PITPNA: variants seen among roughly 807,000 people sequenced by gnomAD.
PITPNA encodes the protein phosphatidylinositol transfer protein alpha isoform.
Under a neutral mutation model 50.3 loss-of-function variants are expected in PITPNA, and 13 were observed. The ratio of observed to expected loss-of-function variants is 0.26; its 90% CI spans 0.17 to 0.41. The LOEUF is 0.41. Among genes scored for constraint, PITPNA ranks in the 10% least tolerant of loss-of-function variants. The probability of loss-of-function intolerance (pLI) is 1.00; values close to 1 mark genes in which losing one functional copy is unlikely to be tolerated. For synonymous variants in PITPNA, 120 were observed against 119.6 expected, an observed-to-expected ratio of 1.00 and a Z score of -0.02; for missense variants, 207 against 333.4, an observed-to-expected ratio of 0.62 and a Z score of 2.95.
intron 10 of PITPNA, among the ~76,000 whole-genome samples, chr17:1,524,256 G>T (rs955867265): frequency 6.7e-6 from 1 of 149,354 alleles, no homozygotes; most frequent in African/African-American, 2.5e-5. Flanking sequence ...ATGTTAGCCA[G>T]GATGGTCTCC....
chr17:1,540,065 C>G (rs1300503645), intron 6 of PITPNA, among the ~76,000 whole-genome samples: 1 of 152,240 alleles, frequency 6.6e-6, no homozygotes, highest in Non-Finnish European at 1.5e-5. Flanking sequence ...GGGTAAACGT[C>G]ACTTCTGCAG....
chr17:1,546,791 A>T (rs915416763), intron 4 of PITPNA, among the ~76,000 whole-genome samples: 31 of 152,338 alleles, frequency 2.0e-4, no homozygotes, highest in African/African-American at 7.5e-4. Flanking sequence ...GAATCACTCG[A>T]AAGAAATTTA....
At chr17:1,524,842 C>T (rs1003555934) in intron 10 of PITPNA, among the ~76,000 whole-genome samples, 1 of 148,800 alleles carries the variant, frequency 6.7e-6, no homozygotes, top group African/African-American at 2.5e-5. Flanking sequence ...GAGCGAGACT[C>T]CATCTCAAAA....
In PITPNA at chr17:1,538,705, A is replaced by G. The variant is rs1006810289; in HGVS notation, c.456+164T>C. ...CACTAATTTTCTGGTGGCATCCCCAACTCAAGACAAGAAATCTCCTAATAC... is the reference window on the plus strand; with the variant it reads ...CACTAATTTTCTGGTGGCATCCCCAGCTCAAGACAAGAAATCTCCTAATAC... On this transcript the variant is annotated intron_variant, in intron 7 of 11. Coordinates refer to ENST00000313486, the MANE Select transcript of PITPNA (RefSeq NM_006224.4). 4 of 540,316 alleles carry G rather than the reference A, an allele frequency of 7.4e-6. No individual in the cohort carries two copies. The African/African-American group carries it at 7.7e-5, about 10-fold the overall frequency. The allele number at this position is 540,316 out of a possible 1,614,324, so 33.5% of individuals were successfully genotyped here.
intron 7 of PITPNA, among the ~76,000 whole-genome samples, chr17:1,536,244 T>C (rs2151006462): frequency 6.6e-6 from 1 of 152,262 alleles, no homozygotes; most frequent in African/African-American, 2.4e-5. Context: ...GATAATAAAT[T>C]TCTCTCTCTC....
intron 3 of PITPNA, among the ~76,000 whole-genome samples, chr17:1,549,830 A>G (rs1350836844): frequency 6.9e-6 from 1 of 144,772 alleles, no homozygotes; most frequent in Non-Finnish European, 1.5e-5. Flanking sequence ...ATGCGCCACC[A>G]CGCCCAGCTA....
At chr17:1,540,331 ACTC>A (rs1423469834) in intron 6 of PITPNA, among the ~76,000 whole-genome samples, 2 of 151,968 alleles carry the variant, frequency 1.3e-5, no homozygotes, top group Non-Finnish European at 2.9e-5. Context: ...AACTAGAGTA[ACTC>A]CTCTTCTTGC....
At chr17:1,551,141 C>G (rs952934535) in intron 3 of PITPNA, among the ~76,000 whole-genome samples, 2 of 149,662 alleles carry the variant, frequency 1.3e-5, no homozygotes, top group African/African-American at 2.5e-5. Flanking sequence ...GGGCCTGATG[C>G]GATAAGAAGG....
At chr17:1,524,009 T>A (rs114254793) in intron 10 of PITPNA, among the ~76,000 whole-genome samples, 1 of 151,440 alleles carries the variant, frequency 6.6e-6, no homozygotes. Flanking sequence ...AGTAAGTTAC[T>A]GCAATGCTCT....
At chr17:1,543,624 C>T (rs1014364460) in intron 4 of PITPNA, among the ~76,000 whole-genome samples, 1 of 152,178 alleles carries the variant, frequency 6.6e-6, no homozygotes, top group African/African-American at 2.4e-5. Flanking sequence ...ATTCTGTACC[C>T]TCTGAATTTA....
intron 4 of PITPNA, 40 bp downstream of exon 4, chr17:1,548,256 C>A: frequency 7.3e-7 from 1 of 1,372,370 alleles, no homozygotes; most frequent in South Asian, 1.2e-5. Flanking sequence ...AGCTCTGCTG[C>A]CCGCCCCTGC....
At chr17:1,550,427 G>A (rs912395762) in intron 3 of PITPNA, among the ~76,000 whole-genome samples, 1 of 152,202 alleles carries the variant, frequency 6.6e-6, no homozygotes, top group Non-Finnish European at 1.5e-5. Context: ...AGATGGGAGT[G>A]GGGTGGGAAA....
intron 2 of PITPNA, among the ~76,000 whole-genome samples, chr17:1,553,560 G>C (rs773456192): frequency 3.9e-5 from 6 of 152,086 alleles, no homozygotes; most frequent in Non-Finnish European, 8.8e-5. Context: ...AGGATTTAAA[G>C]AGGCAGGTGA....
chr17:1,529,957 G>A (rs928955002), intron 10 of PITPNA, among the ~76,000 whole-genome samples: 1 of 152,132 alleles, frequency 6.6e-6, no homozygotes, highest in Non-Finnish European at 1.5e-5. Flanking sequence ...AAGGCCAAGA[G>A]GTACTTGTTC....
intron 4 of PITPNA, among the ~76,000 whole-genome samples, chr17:1,544,370 C>G (rs956322630): frequency 1.3e-5 from 2 of 152,200 alleles, no homozygotes; most frequent in Non-Finnish European, 2.9e-5. Flanking sequence ...ACACATTCAT[C>G]TTTGTGAGAC....
At chr17:1,548,231 G>T in intron 4 of PITPNA, 65 bp downstream of exon 4, 1 of 1,051,384 alleles carries the variant, frequency 9.5e-7, no homozygotes, top group Non-Finnish European at 1.4e-6. Context: ...TCCGGAACAC[G>T]CAGGTGGGAC....
intron 4 of PITPNA, among the ~76,000 whole-genome samples, chr17:1,543,775 G>A (rs1259146449): frequency 3.9e-5 from 6 of 152,102 alleles, no homozygotes; most frequent in African/African-American, 1.2e-4. Flanking sequence ...GAGCTATCAC[G>A]CACAGAAATA....
At position 1,519,085 on chromosome 17, in the gene PITPNA, A is replaced by G. The variant is rs1393584165; in HGVS notation, c.*1476T>C. ...CATCCATCAGGATGTCACAGGTGCA[A>G]TCCTGTGAGACACTCCCTTATTGCA... On this transcript the variant is annotated 3_prime_UTR_variant, in exon 12 of 12. Coordinates refer to ENST00000313486, the MANE Select transcript of PITPNA (RefSeq NM_006224.4). 1 of 152,470 alleles carries G rather than the reference A, an allele frequency of 6.6e-6. No individual in the cohort carries two copies. Among genetic ancestry groups the G allele is most frequent in the Non-Finnish European group, 1.5e-5 (1 of 68,050 alleles). 9.4% of individuals were successfully genotyped at this position (152,470 alleles called of 1,614,324 possible). A position where few individuals can be genotyped will look rare whatever the true frequency, so the allele number is the denominator to read the frequency against.
chr17:1,548,223 C>T (rs946848498), intron 4 of PITPNA, 73 bp downstream of exon 4: 13 of 972,662 alleles, frequency 1.3e-5, no homozygotes, highest in African/African-American at 6.6e-5. Context: ...TGGCCTAATC[C>T]GGAACACGCA....
Sources: allele counts gnomAD v4.1 joint callset (sites outside exome capture counted in the v4.1 genomes callset), GRCh38; gene constraint gnomAD v4.1.1; transcripts MANE v1.5; gene names NCBI Gene and HGNC (gene_info 2026-07-23, HGNC 2026-07-21).